Variants in MGAT4C observed in about 807,000 individuals in gnomAD.
The protein encoded by MGAT4C is alpha-1,3-mannosyl-glycoprotein 4-beta-N-acetylglucosaminyltransferase C.
Under a neutral mutation model 40.1 loss-of-function variants are expected in MGAT4C, and 19 were observed. The ratio of observed to expected loss-of-function variants is 0.47; its 90% CI spans 0.33 to 0.70. MGAT4C has a LOEUF of 0.70. Among genes scored for constraint, MGAT4C ranks in the 30% least tolerant of loss-of-function variants. The probability of loss-of-function intolerance (pLI) is 0.02; values close to 1 mark genes in which losing one functional copy is unlikely to be tolerated. For synonymous variants in MGAT4C, 181 were observed against 187.1 expected (o/e 0.97, Z 0.27); for missense variants, 491 against 563.2 (o/e 0.87, Z 1.30).
At chr12:86,414,168 A>G (rs985012497) in intron 3 of MGAT4C, among the ~76,000 whole-genome samples, 1 of 152,102 alleles carries the variant, frequency 6.6e-6, no homozygotes, top group Non-Finnish European at 1.5e-5. Context: ...GTTTTTATTC[A>G]TCTAAATTCA....
intron 2 of MGAT4C, among the ~76,000 whole-genome samples, chr12:86,675,482 C>T (rs1414778732): frequency 6.6e-6 from 1 of 152,104 alleles, no homozygotes; most frequent in Non-Finnish European, 1.5e-5. Context: ...GGTCAGGGAA[C>T]CAGATGACCA....
rs2897359 is a variant in MGAT4C, at chr12:86,687,105, T to C, written c.-229+40104A>G. 5.6e-3 allele frequency among the ~76,000 whole-genome samples: 851 copies of C among 152,380 alleles called. 3 individuals carry two copies. The highest frequency in any genetic ancestry group is 8.9e-3 in the Non-Finnish European group (608 of 68,036). Reference sequence around the variant, plus strand: ...ATGTGTCCAGGAATTTATCCATTTCTTCTAGATTTTATAGTTTATTTGTGT... The same window carrying C: ...ATGTGTCCAGGAATTTATCCATTTCCTCTAGATTTTATAGTTTATTTGTGT... On this transcript the variant is annotated intron_variant, in intron 2 of 7. Transcript: ENST00000548651.
intron 3 of MGAT4C, among the ~76,000 whole-genome samples, chr12:86,340,752 C>G (rs1256951635): frequency 6.6e-6 from 1 of 152,046 alleles, no homozygotes; most frequent in Non-Finnish European, 1.5e-5. Context: ...AAGACCTACA[C>G]AGTGGAATAA....
rs528978092 is a variant in MGAT4C at position 86,436,228 on chromosome 12, A to AGTGCAACAAAACAATTTT, written c.-228-981_-228-964dup. Among the ~76,000 whole-genome samples the AGTGCAACAAAACAATTTT allele has an allele frequency of 0.019, 2,910 of 150,872 alleles. 201 individuals carry two copies. The East Asian group carries it at 0.21, about 11-fold the overall frequency. ...TTTTCATCTGTATACAGATTAAGCAAGTGCAACAAAACAATTTTGTGCAAC... is the reference window on the plus strand; with the variant it reads ...TTTTCATCTGTATACAGATTAAGCAAGTGCAACAAAACAATTTTGTGCAACAAAACAATTTTGTGCAAC... On this transcript the variant is annotated intron_variant, in intron 2 of 7. Transcript: ENST00000548651.
At chr12:86,225,924 T>C (rs1248478595) in intron 1 of MGAT4C, among the ~76,000 whole-genome samples, 2 of 151,810 alleles carry the variant, frequency 1.3e-5, no homozygotes, top group Non-Finnish European at 2.9e-5. Flanking sequence ...TTAAACATAG[T>C]AGTGGAAGTC....
At chr12:86,006,793 A>G (rs1278716788) in intron 2 of MGAT4C, among the ~76,000 whole-genome samples, 1 of 152,106 alleles carries the variant, frequency 6.6e-6, no homozygotes, top group Non-Finnish European at 1.5e-5. Flanking sequence ...TTTGCAAATA[A>G]TTACTCTACC....
At chr12:86,241,961 A>T (rs76533637) in intron 1 of MGAT4C, among the ~76,000 whole-genome samples, 2,237 of 152,122 alleles carry the variant, frequency 0.015, 31 homozygotes, top group African/African-American at 0.035. Flanking sequence ...GAGGGGGGGA[A>T]ATTGAGAAAA....
intron 2 of MGAT4C, among the ~76,000 whole-genome samples, chr12:86,471,927 T>G (rs951472462): frequency 1.3e-5 from 2 of 152,162 alleles, no homozygotes; most frequent in Non-Finnish European, 2.9e-5. Flanking sequence ...TTGATAATAT[T>G]AGTAAACATT....
At chr12:86,670,733 A>G (rs562585621) in intron 2 of MGAT4C, among the ~76,000 whole-genome samples, 1 of 152,278 alleles carries the variant, frequency 6.6e-6, no homozygotes, top group East Asian at 1.9e-4. Flanking sequence ...AGATACTATA[A>G]AAAATGAGCA....
At chr12:86,180,123 T>C (rs1368616320) in intron 1 of MGAT4C, among the ~76,000 whole-genome samples, 1 of 152,210 alleles carries the variant, frequency 6.6e-6, no homozygotes, top group Non-Finnish European at 1.5e-5. Context: ...AAGGGGCCAA[T>C]GTAGAGCTTG....
At chr12:86,312,568 T>A (rs1266394333) in intron 4 of MGAT4C, among the ~76,000 whole-genome samples, 2 of 152,212 alleles carry the variant, frequency 1.3e-5, no homozygotes, top group Non-Finnish European at 2.9e-5. Context: ...TGAATGTTCT[T>A]GCAGTGTTGT....
chr12:86,391,582 G>A (rs1956160512), intron 3 of MGAT4C, among the ~76,000 whole-genome samples: 1 of 152,296 alleles, frequency 6.6e-6, no homozygotes, highest in East Asian at 1.9e-4. Context: ...ATTTAGGCCA[G>A]GTGCAGTGGC....
Position 86,732,901 on chromosome 12 carries a change from C to G in MGAT4C, c.-261-5660G>C, listed in dbSNP as rs116023493. On this transcript the variant is annotated intron_variant, in intron 1 of 7. Transcript: ENST00000548651. ...TGCAGAAAGGTGTTTCTCCCAGTAA[C>G]AGTCATCAAATTGCTTCATTTTTAA... 3.8e-3 allele frequency among the ~76,000 whole-genome samples: 575 copies of G among 150,734 alleles called. 2 individuals carry two copies. Among genetic ancestry groups the G allele is most frequent in the African/African-American group, 0.014 (567 of 41,074 alleles).
At chr12:86,678,779 A>T (rs1297488551) in intron 2 of MGAT4C, among the ~76,000 whole-genome samples, 2 of 152,120 alleles carry the variant, frequency 1.3e-5, no homozygotes, top group East Asian at 3.9e-4. Context: ...TTATGGCTGC[A>T]TAGTATTCCA....
intron 1 of MGAT4C, among the ~76,000 whole-genome samples, chr12:86,735,037 G>T (rs914087520): frequency 2.0e-5 from 3 of 151,902 alleles, no homozygotes; most frequent in Non-Finnish European, 4.4e-5. Flanking sequence ...TGTGTGTTTT[G>T]TGGAAAGCCC....
At chr12:86,359,156 A>T (rs540288757) in intron 3 of MGAT4C, among the ~76,000 whole-genome samples, 1 of 152,324 alleles carries the variant, frequency 6.6e-6, no homozygotes, top group South Asian at 2.1e-4. Context: ...TCGAACTAGA[A>T]CTCAGGATCA....
intron 1 of MGAT4C, among the ~76,000 whole-genome samples, chr12:86,155,146 G>C (rs1286011929): frequency 2.6e-5 from 4 of 152,180 alleles, no homozygotes; most frequent in Admixed American, 2.0e-4. Flanking sequence ...GTAGGGAAGA[G>C]CTAGGAGAAT....
chr12:86,223,069 G>A (rs1950943703), intron 1 of MGAT4C, among the ~76,000 whole-genome samples: 1 of 152,148 alleles, frequency 6.6e-6, no homozygotes, highest in Non-Finnish European at 1.5e-5. Context: ...ACAGGCATCC[G>A]AACCCTGAGC....
At chr12:86,182,537 C>G (rs1888241905) in intron 1 of MGAT4C, among the ~76,000 whole-genome samples, 1 of 152,092 alleles carries the variant, frequency 6.6e-6, no homozygotes, top group Non-Finnish European at 1.5e-5. Flanking sequence ...TCTTCCCTCT[C>G]CCTTCCTACT....
Sources: allele counts gnomAD v4.1 joint callset (sites outside exome capture counted in the v4.1 genomes callset), GRCh38; gene constraint gnomAD v4.1.1; transcripts MANE v1.5; gene names NCBI Gene and HGNC (gene_info 2026-07-23, HGNC 2026-07-21).